Variants in MTMR12 observed in about 807,000 individuals in gnomAD.
The protein encoded by MTMR12 is myotubularin related protein 12, also known as myotubularin-related protein 12.
In MTMR12, 33 loss-of-function variants were observed where a neutral mutation model predicts 96.7. The observed-to-expected ratio is 0.34, with a 90% CI of 0.26 to 0.46. The LOEUF (loss-of-function observed/expected upper bound fraction) is 0.46. Ranked by LOEUF, MTMR12 falls within the 20% of genes least tolerant of loss-of-function variation. The pLI, the probability that MTMR12 is intolerant of heterozygous loss-of-function variation, is 1.00. For missense variants in MTMR12, 721 were observed against 896.1 expected, an observed-to-expected ratio of 0.80 and a Z score of 2.49; for synonymous variants, 298 against 327.2, an observed-to-expected ratio of 0.91 and a Z score of 0.96.
Position 32,229,889 on chromosome 5 carries a change from G to A in MTMR12, c.2133C>T (p.Leu711=). Residue 711 remains leucine (L), a synonymous_variant, in exon 16 of 16, where the codon CTC becomes CTT. Transcript: ENST00000382142. ...AGACGGGCTTAGAGGAATGTCGCTGGAGCAGAGCGAAAGGAAACAAAGACG... is the reference window on the plus strand; with the variant it reads ...AGACGGGCTTAGAGGAATGTCGCTGAAGCAGAGCGAAAGGAAACAAAGACG... The part of the protein sequence containing the change: ...RLSSLFPFAL[L]QRHSSKPVLP... 1 of 1,613,046 alleles carries A rather than the reference G, an allele frequency of 6.2e-7. No homozygotes were observed. The highest frequency in any genetic ancestry group is 8.5e-7 in the Non-Finnish European group (1 of 1,179,318).
chr5:32,306,739 A>G (rs992032823), intron 1 of MTMR12, among the ~76,000 whole-genome samples: 1 of 152,134 alleles, frequency 6.6e-6, no homozygotes, highest in Non-Finnish European at 1.5e-5. Context: ...AAGATATTAA[A>G]CTTTACAGGG....
intron 7 of MTMR12, among the ~76,000 whole-genome samples, chr5:32,259,459 C>T (rs947895154): frequency 3.3e-5 from 5 of 152,200 alleles, no homozygotes; most frequent in Admixed American, 2.6e-4. Flanking sequence ...CCCAAACTGA[C>T]GCAGGTCCCC....
intron 8 of MTMR12, 136 bp downstream of exon 8, chr5:32,255,557 T>A (rs1749102865): frequency 2.7e-6 from 2 of 754,608 alleles, no homozygotes; most frequent in South Asian, 4.2e-5. Context: ...TTCTAGGGAG[T>A]CCCTAAGATA....
rs1024426821 is a variant in MTMR12 at position 32,233,054 on chromosome 5, G to C, written c.1674+719C>G. 1 of 965,048 alleles carries C rather than the reference G, an allele frequency of 1.0e-6. No homozygotes were observed. Among genetic ancestry groups the C allele is most frequent in the African/African-American group, 1.8e-5 (1 of 56,728 alleles). 59.8% of individuals were successfully genotyped at this position (965,048 alleles called of 1,614,324 possible). ...TGTCAGTTAAATAATTCATCAGTTA[G>C]GGAACTTTGGGATTATCAACTAAAA... On this transcript the variant is annotated intron_variant, in intron 15 of 15. Coordinates refer to ENST00000382142, the MANE Select transcript of MTMR12 (RefSeq NM_001040446.3). This position sits in a 1 kb window ranked among gnomAD's most constrained non-coding sequence, Gnocchi z 5.0.
chr5:32,287,092 C>G (rs1750567841), intron 1 of MTMR12, among the ~76,000 whole-genome samples: 1 of 152,208 alleles, frequency 6.6e-6, no homozygotes, highest in Non-Finnish European at 1.5e-5. Context: ...GACTGCTGCA[C>G]TCAGCAAGTG....
intron 12 of MTMR12, 88 bp downstream of exon 12, chr5:32,241,969 G>A: frequency 9.0e-7 from 1 of 1,114,188 alleles, no homozygotes; most frequent in South Asian, 1.4e-5. Flanking sequence ...CACTCCTTTT[G>A]TTTCCAAATA....
intron 8 of MTMR12, among the ~76,000 whole-genome samples, chr5:32,250,083 G>A (rs889056161): frequency 6.6e-6 from 1 of 152,338 alleles, no homozygotes; most frequent in African/African-American, 2.4e-5. Context: ...GGCGTAGACC[G>A]AGAGTTAGAG....
chr5:32,272,381 G>A (rs1367220970), intron 3 of MTMR12, among the ~76,000 whole-genome samples: 2 of 152,084 alleles, frequency 1.3e-5, no homozygotes, highest in Non-Finnish European at 2.9e-5. Context: ...AAAAGCTCCT[G>A]AGATTCATTC....
At chr5:32,274,150 T>TA in intron 2 of MTMR12, 28 bp from the exon 3 acceptor site, 2 of 1,611,098 alleles carry the variant, frequency 1.2e-6, no homozygotes. Context: ...AGGTCCTCCT[T>TA]AGAGTTCTCA....
Position 32,290,492 on chromosome 5 carries a change from G to A in MTMR12, c.82-13750C>T, listed in dbSNP as rs182181085. On this transcript the variant is annotated intron_variant, in intron 1 of 15. Transcript: ENST00000382142. ...CTCCTTCTAAGATGAAGGATAAGTT[G>A]CTACATTTGGCCCCTCCTACAACCA... 1.8e-3 allele frequency among the ~76,000 whole-genome samples: 277 copies of A among 152,346 alleles called. 2 individuals carry two copies. The highest frequency in any genetic ancestry group is 2.1e-3 in the South Asian group (10 of 4,834).
At chr5:32,257,090 G>A (rs1749167741) in intron 7 of MTMR12, among the ~76,000 whole-genome samples, 1 of 152,130 alleles carries the variant, frequency 6.6e-6, no homozygotes, top group Non-Finnish European at 1.5e-5. Context: ...CACTTTGGGG[G>A]GCCAAGGTGG....
intron 6 of MTMR12, among the ~76,000 whole-genome samples, chr5:32,268,418 G>GA (rs1749691897): frequency 6.6e-6 from 1 of 151,188 alleles, no homozygotes; most frequent in Non-Finnish European, 1.5e-5. Context: ...TGAGGCATGA[G>GA]AATTGCTTGA....
At chr5:32,267,263 C>T (rs1330514910) in intron 6 of MTMR12, among the ~76,000 whole-genome samples, 1 of 151,538 alleles carries the variant, frequency 6.6e-6, no homozygotes, top group Non-Finnish European at 1.5e-5. Context: ...GTAATCCCAG[C>T]TCCTCGGGAG....
At chr5:32,264,483 C>T (rs576903281) in intron 6 of MTMR12, among the ~76,000 whole-genome samples, 9 of 149,112 alleles carry the variant, frequency 6.0e-5, no homozygotes, top group South Asian at 4.2e-4. Context: ...TTTTTTGAGA[C>T]GGAGTCTCGC....
At chr5:32,267,150 TGGATCACCTGAGG>T (rs1749631782) in intron 6 of MTMR12, among the ~76,000 whole-genome samples, 1 of 149,370 alleles carries the variant, frequency 6.7e-6, no homozygotes, top group Non-Finnish European at 1.5e-5. Flanking sequence ...GCCGAGGCCG[TGGATCACCTGAGG>T]TAAGGAGTTC....
At chr5:32,239,509 C>T (rs1303660658) in intron 12 of MTMR12, among the ~76,000 whole-genome samples, 1 of 152,236 alleles carries the variant, frequency 6.6e-6, no homozygotes, top group African/African-American at 2.4e-5. Flanking sequence ...GAATCACCCA[C>T]ATAATGATGA....
intron 1 of MTMR12, among the ~76,000 whole-genome samples, chr5:32,292,864 C>T (rs949733298): frequency 6.6e-6 from 1 of 152,248 alleles, no homozygotes; most frequent in Non-Finnish European, 1.5e-5. Context: ...ACGTGACCAG[C>T]TGCAGAAATG....
intron 1 of MTMR12, among the ~76,000 whole-genome samples, chr5:32,309,127 A>G (rs1208362309): frequency 6.6e-6 from 1 of 152,248 alleles, no homozygotes; most frequent in Non-Finnish European, 1.5e-5. Flanking sequence ...CTCAAAGGAA[A>G]TACATCAGGC....
intron 7 of MTMR12, among the ~76,000 whole-genome samples, chr5:32,260,774 G>A (rs1749333971): frequency 6.6e-6 from 1 of 151,398 alleles, no homozygotes; most frequent in South Asian, 2.1e-4. Context: ...AATACTGAGA[G>A]TGATCAGAAT....
Sources: allele counts gnomAD v4.1 joint callset (sites outside exome capture counted in the v4.1 genomes callset), GRCh38; gene constraint gnomAD v4.1.1; non-coding constraint Gnocchi (gnomAD v3.1); transcripts MANE v1.5; gene names NCBI Gene and HGNC (gene_info 2026-07-23, HGNC 2026-07-21).